The following LRIG2 variants were observed in gnomAD, a reference collection of about 807,000 sequenced individuals.
LRIG2 encodes the protein leucine rich repeats and immunoglobulin like domains 2, also known as leucine-rich repeats and immunoglobulin-like domains protein 2.
LRIG2 carries 93 observed loss-of-function variants against 107.8 expected under a neutral mutation model. That is an observed-to-expected ratio of 0.86 (90% CI 0.73 to 1.03). The LOEUF (loss-of-function observed/expected upper bound fraction) is 1.03, where lower values mean the gene tolerates loss of function less well. LRIG2 is among the 50% of genes least tolerant of loss of function. The pLI, the probability that LRIG2 is intolerant of heterozygous loss-of-function variation, is 0.00. For synonymous variants in LRIG2, 471 were observed against 470.6 expected, an observed-to-expected ratio of 1.00 and a Z score of -0.01; for missense variants, 1,226 against 1,296.0, an observed-to-expected ratio of 0.95 and a Z score of 0.83.
chr1:113,099,252 T>TTTTTTTTTTC (rs1654205895), intron 9 of LRIG2, among the ~76,000 whole-genome samples: 1 of 147,436 alleles, frequency 6.8e-6, no homozygotes, highest in African/African-American at 2.5e-5. Context: ...TTCTTTTTTT[T>TTTTTTTTTTC]TTTGAGACAG....
At chr1:113,104,646 C>T (rs907394695) in intron 11 of LRIG2, among the ~76,000 whole-genome samples, 18 of 151,942 alleles carry the variant, frequency 1.2e-4, no homozygotes, top group Non-Finnish European at 2.1e-4. Flanking sequence ...TCCTGAATAG[C>T]TGGGATTACA....
At chr1:113,109,053 C>A (rs746832391) in intron 12 of LRIG2, among the ~76,000 whole-genome samples, 1 of 152,294 alleles carries the variant, frequency 6.6e-6, no homozygotes, top group South Asian at 2.1e-4. Context: ...ACAGAACACA[C>A]ACTTGGAAGT....
rs780062573 is a variant in LRIG2, at chr1:113,116,278, C to T, written c.2531-9C>T. The T allele has an allele frequency of 6.2e-7, 1 of 1,607,910 alleles. No individual in the cohort carries two copies. The highest frequency in any genetic ancestry group is 1.7e-5 in the Admixed American group (1 of 59,092). ...CTACCTTTGAGAGTTAAAAATGTCT[C>T]TTTTACAGAGGAGCTCAATCTGCCT... On this transcript the variant is annotated splice_polypyrimidine_tract_variant and intron_variant, in intron 15 of 17. Transcript: ENST00000361127.
chr1:113,119,435 A>G lies in LRIG2; in HGVS notation c.2883A>G (p.Ile961Met). ...ATACTACTGCCCTAGAGAGCCTGAT[A>G]CCGTCAGCCAACAGAGAGCCATCTG... The part of the protein sequence containing the change: ...PQDTTALESL[I>M]PSANREPSAF... The change falls in exon 17 of 18, where the codon ATA (isoleucine) becomes ATG (methionine). Residue 961 changes from isoleucine to methionine, a missense_variant. Transcript: ENST00000361127. The G allele has an allele frequency of 1.9e-6, 3 of 1,614,162 alleles. No individual in the cohort carries two copies. Among genetic ancestry groups the G allele is most frequent in the Non-Finnish European group, 2.5e-6 (3 of 1,180,032 alleles).
rs1654046899 is a variant in LRIG2 at position 113,095,961 on chromosome 1, T to A, written c.891T>A (p.Asn297Lys). ...RMLQQLYVSQ[N>K]AIERISPDAW... ...TACAGCAGCTCTATGTGAGCCAGAATGCTATTGAAAGAATCAGCCCTGATG... is the reference window on the plus strand; with the variant it reads ...TACAGCAGCTCTATGTGAGCCAGAAAGCTATTGAAAGAATCAGCCCTGATG... The change falls in exon 7 of 18, where the codon AAT becomes AAA. Residue 297 changes from asparagine to lysine, a missense_variant. Physicochemically the swap from Asn to Lys is moderately conservative, Grantham distance 94. Around this residue, in one of 3 missense-constraint regions of LRIG2, gnomAD observed 570 missense variants for 550.2 expected, o/e 1.04. Transcript: ENST00000361127. 1 of 1,614,088 alleles carries A rather than the reference T, an allele frequency of 6.2e-7. No homozygotes were observed. Among genetic ancestry groups the A allele is most frequent in the African/African-American group, 1.3e-5 (1 of 74,940 alleles).
rs1198677358 is a variant in LRIG2 at position 113,130,474 on chromosome 1, G to A, written c.*6373G>A. 6.6e-6 allele frequency: 1 copy of A among 152,194 alleles called. No homozygotes were observed. The highest frequency in any genetic ancestry group is 1.5e-5 in the Non-Finnish European group (1 of 68,032). 9.4% of individuals were successfully genotyped at this position (152,194 alleles called of 1,614,324 possible). ...AAGACAGAGTTATACACAGGGAGGT[G>A]TATTATATACTTGCTAATAAATTTT... On this transcript the variant is annotated 3_prime_UTR_variant, in exon 18 of 18. Transcript: ENST00000361127.
intron 1 of LRIG2, among the ~76,000 whole-genome samples, chr1:113,087,660 A>C (rs1653618498): frequency 6.6e-6 from 1 of 152,158 alleles, no homozygotes; most frequent in Non-Finnish European, 1.5e-5. Context: ...CGAAGTCTTC[A>C]TATTTTAGTC....
At chr1:113,090,331 T>C (rs1009140013) in intron 1 of LRIG2, among the ~76,000 whole-genome samples, 8 of 152,104 alleles carry the variant, frequency 5.3e-5, no homozygotes. Context: ...ATTGGGTGGC[T>C]GGAAACAAAA....
At chr1:113,079,535 T>A (rs1256423657) in intron 1 of LRIG2, among the ~76,000 whole-genome samples, 1 of 149,372 alleles carries the variant, frequency 6.7e-6, no homozygotes, top group Non-Finnish European at 1.5e-5. Context: ...ATACAAAAAT[T>A]AGCCAGCCGT....
chr1:113,118,181 A>G (rs962047796), intron 16 of LRIG2, among the ~76,000 whole-genome samples: 11 of 152,240 alleles, frequency 7.2e-5, no homozygotes, highest in Middle Eastern at 6.8e-3. Flanking sequence ...GGCCTCCCCA[A>G]GTGCTGGGCT....
At chr1:113,074,402 C>A (rs1252990148) in intron 1 of LRIG2, among the ~76,000 whole-genome samples, 5 of 152,128 alleles carry the variant, frequency 3.3e-5, no homozygotes, top group Non-Finnish European at 5.9e-5. Flanking sequence ...TCTGGAGTTT[C>A]CACTGTTGAG....
rs1655697406 is a variant in LRIG2 at position 113,131,389 on chromosome 1, A to G, written c.*7288A>G. 1 of 152,202 alleles carries G rather than the reference A, an allele frequency of 6.6e-6. No individual in the cohort carries two copies. Among genetic ancestry groups the G allele is most frequent in the Admixed American group, 6.5e-5 (1 of 15,278 alleles). 9.4% of individuals were successfully genotyped at this position (152,202 alleles called of 1,614,324 possible). On this transcript the variant is annotated 3_prime_UTR_variant, in exon 18 of 18. Transcript: ENST00000361127. ...ATATCCCCAGAAATGCTAGAAGTGT[A>G]AAGGAATAACAGAGGTAAATTTGCT...
At chr1:113,096,692 A>G (rs913267209) in intron 8 of LRIG2, among the ~76,000 whole-genome samples, 1 of 152,232 alleles carries the variant, frequency 6.6e-6, no homozygotes, top group Non-Finnish European at 1.5e-5. Flanking sequence ...GACTTTGACA[A>G]TACACCAGAG....
chr1:113,119,431 T>C lies in LRIG2; in HGVS notation c.2879T>C (p.Leu960Pro), dbSNP rs1359581294. The change falls in exon 17 of 18, where the codon CTG (leucine) becomes CCG (proline). Residue 960 changes from leucine (L) to proline (P), a missense_variant. Physicochemically the swap from Leu to Pro is moderately conservative, Grantham distance 98. Transcript: ENST00000361127. ...PPQDTTALES[L>P]IPSANREPSA... is the part of the protein sequence containing the mutation. ...CAGGATACTACTGCCCTAGAGAGCC[T>C]GATACCGTCAGCCAACAGAGAGCCA... 6.2e-6 allele frequency: 10 copies of C among 1,614,128 alleles called. No homozygotes were observed. The highest frequency in any genetic ancestry group is 8.5e-6 in the Non-Finnish European group (10 of 1,180,010).
intron 17 of LRIG2, among the ~76,000 whole-genome samples, chr1:113,121,038 G>A (rs1353401225): frequency 6.7e-6 from 1 of 150,292 alleles, no homozygotes; most frequent in East Asian, 2.0e-4. Context: ...GGCTGGTCTC[G>A]AACTGCTGAC....
intron 6 of LRIG2, 68 bp from the exon 7 acceptor site, chr1:113,095,806 G>T: frequency 6.5e-7 from 1 of 1,550,050 alleles, no homozygotes; most frequent in Non-Finnish European, 8.9e-7. Context: ...AAAAACTTAA[G>T]ATTTAAAGCT....
At chr1:113,118,966 G>A (rs945397848) in intron 16 of LRIG2, among the ~76,000 whole-genome samples, 8 of 152,048 alleles carry the variant, frequency 5.3e-5, no homozygotes, top group African/African-American at 9.7e-5. Context: ...ACCCGGTAGC[G>A]GTATGACTTT....
Position 113,126,490 on chromosome 1 carries a change from T to C in LRIG2, c.*2389T>C, listed in dbSNP as rs1655491091. On this transcript the variant is annotated 3_prime_UTR_variant, in exon 18 of 18. Coordinates refer to ENST00000361127, the MANE Select transcript of LRIG2 (RefSeq NM_014813.3). ...TTCCACTTTCCTCTGTTTTCCCTAT[T>C]TTCTCCCCTGGGAAATCTTGCAGAT... 6.6e-6 allele frequency: 1 copy of C among 152,198 alleles called. No individual in the cohort carries two copies. The allele number at this position is 152,198 out of a possible 1,614,324, so 9.4% of individuals were successfully genotyped here. A position where few individuals can be genotyped will look rare whatever the true frequency, so the allele number is the denominator to read the frequency against.
intron 1 of LRIG2, among the ~76,000 whole-genome samples, chr1:113,090,824 CG>C (rs1467114117): frequency 6.7e-6 from 1 of 148,498 alleles, no homozygotes; most frequent in Non-Finnish European, 1.5e-5. Flanking sequence ...GGCGACAGAG[CG>C]AGACTCCGTC....
Sources: allele counts gnomAD v4.1 joint callset (sites outside exome capture counted in the v4.1 genomes callset), GRCh38; gene constraint gnomAD v4.1.1; regional missense constraint gnomAD v4.1.1; transcripts MANE v1.5; gene names NCBI Gene and HGNC (gene_info 2026-07-23, HGNC 2026-07-21).